Variants in DENND1B observed in about 807,000 individuals in gnomAD.
DENND1B encodes DENN domain containing 1B, also known as DENN domain-containing protein 1B.
DENND1B carries 59 observed loss-of-function variants against 90.1 expected under a neutral mutation model. The observed-to-expected ratio is 0.65, with a 90% CI of 0.53 to 0.81. DENND1B has a LOEUF of 0.81. DENND1B is among the 40% of genes least tolerant of loss of function. The pLI is 0.00. For missense variants in DENND1B, 862 were observed against 912.6 expected, an observed-to-expected ratio of 0.94 and a Z score of 0.71; for synonymous variants, 337 against 324.6, an observed-to-expected ratio of 1.04 and a Z score of -0.41.
At chr1:197,665,064 T>C (rs890239236) in intron 5 of DENND1B, among the ~76,000 whole-genome samples, 2 of 152,154 alleles carry the variant, frequency 1.3e-5, no homozygotes, top group Non-Finnish European at 2.9e-5. Context: ...CAGGATATTT[T>C]TGAAATCTTG....
rs1667683732 is a variant in DENND1B, at chr1:197,505,404, G to A, written c.*5056C>T. Reference sequence around the variant, plus strand: ...ATTTGAGAAATGAAATAACAGAGATGAATAGACTTATAGGTTCATCATATC... The same window carrying A: ...ATTTGAGAAATGAAATAACAGAGATAAATAGACTTATAGGTTCATCATATC... On this transcript the variant is annotated 3_prime_UTR_variant, in exon 23 of 23. Coordinates refer to ENST00000620048, the MANE Select transcript of DENND1B (RefSeq NM_001195215.2). The A allele has an allele frequency of 6.6e-6, 1 of 151,472 alleles. No individual in the cohort carries two copies. The highest frequency in any genetic ancestry group is 1.5e-5 in the Non-Finnish European group (1 of 67,704). 9.4% of individuals were successfully genotyped at this position (151,472 alleles called of 1,614,324 possible).
intron 5 of DENND1B, among the ~76,000 whole-genome samples, chr1:197,669,009 T>C (rs1223383415): frequency 3.3e-5 from 5 of 152,126 alleles, no homozygotes; most frequent in Admixed American, 6.5e-5. Flanking sequence ...ATTATTTACA[T>C]TTCCTCTGTA....
intron 6 of DENND1B, among the ~76,000 whole-genome samples, chr1:197,652,785 A>C (rs1653382756): frequency 6.6e-6 from 1 of 152,102 alleles, no homozygotes; most frequent in African/African-American, 2.4e-5. Context: ...AGGTTATTCT[A>C]AATATTTCTT....
chr1:197,545,483 C>T (rs1317513828), intron 18 of DENND1B: 3 of 167,670 alleles, frequency 1.8e-5, no homozygotes, highest in Non-Finnish European at 2.5e-5. Flanking sequence ...ATGGGTTGGA[C>T]AAACTTGCCT....
At chr1:197,550,676 G>GCA (rs760417700) in intron 16 of DENND1B, among the ~76,000 whole-genome samples, 120,585 of 149,824 alleles carry the variant, frequency 0.8, 48,781 homozygotes, top group South Asian at 0.88. Flanking sequence ...GTGAGGGGGG[G>GCA]GGGGAGGGAT....
intron 2 of DENND1B, among the ~76,000 whole-genome samples, chr1:197,718,400 A>T (rs1660843380): frequency 6.6e-6 from 1 of 151,558 alleles, no homozygotes; most frequent in South Asian, 2.1e-4. Flanking sequence ...GTAAAAAAAA[A>T]AAAAAAGTTC....
chr1:197,603,721 T>C (rs1300514928), intron 13 of DENND1B, among the ~76,000 whole-genome samples: 1 of 151,240 alleles, frequency 6.6e-6, no homozygotes, highest in African/African-American at 2.4e-5. Context: ...ATATTTGAAA[T>C]AGTAACAACC....
chr1:197,545,879 T>C (rs779700097), intron 18 of DENND1B, 43 bp downstream of exon 18: 17 of 1,493,382 alleles, frequency 1.1e-5, no homozygotes, highest in Non-Finnish European at 1.6e-5. Flanking sequence ...GAAAATGTTT[T>C]ATAATTTCAT....
intron 20 of DENND1B, among the ~76,000 whole-genome samples, chr1:197,534,425 C>T (rs2125640284): frequency 6.6e-6 from 1 of 152,276 alleles, no homozygotes; most frequent in Middle Eastern, 3.4e-3. Context: ...CTGCTAGGTA[C>T]CTCCACCAGA....
At chr1:197,676,150 C>T (rs1247588317) in intron 3 of DENND1B, among the ~76,000 whole-genome samples, 2 of 150,746 alleles carry the variant, frequency 1.3e-5, no homozygotes, top group Non-Finnish European at 2.9e-5. Flanking sequence ...GACTGTTTCT[C>T]CCCTGACAGT....
chr1:197,549,694 C>T (rs1248081335), intron 16 of DENND1B, among the ~76,000 whole-genome samples: 3 of 152,022 alleles, frequency 2.0e-5, no homozygotes, highest in Non-Finnish European at 4.4e-5. Context: ...CTTTTAAACT[C>T]CATGGTTACT....
At chr1:197,557,393 C>T (rs1157895512) in intron 15 of DENND1B, among the ~76,000 whole-genome samples, 1 of 151,828 alleles carries the variant, frequency 6.6e-6, no homozygotes, top group African/African-American at 2.4e-5. Context: ...AATAATCCAT[C>T]CATTTCAGAA....
chr1:197,664,714 C>G (rs532697892), intron 5 of DENND1B, among the ~76,000 whole-genome samples: 1 of 152,048 alleles, frequency 6.6e-6, no homozygotes, highest in Non-Finnish European at 1.5e-5. Context: ...ACTGCCTTTC[C>G]GTAGGAAAAC....
At chr1:197,666,846 C>A (rs971144579) in intron 5 of DENND1B, among the ~76,000 whole-genome samples, 1 of 152,148 alleles carries the variant, frequency 6.6e-6, no homozygotes. Flanking sequence ...TATTCTAAGT[C>A]TTGGTTACAT....
chr1:197,753,307 A>G (rs1276102933), intron 2 of DENND1B, among the ~76,000 whole-genome samples: 2 of 152,086 alleles, frequency 1.3e-5, no homozygotes, highest in African/African-American at 4.8e-5. Flanking sequence ...GTAAAGCAAG[A>G]CAGGCAAAAA....
intron 16 of DENND1B, among the ~76,000 whole-genome samples, chr1:197,549,428 A>G (rs374075838): frequency 6.6e-6 from 1 of 152,208 alleles, no homozygotes; most frequent in African/African-American, 2.4e-5. Context: ...TCATCAGATT[A>G]TATGTGTAAA....
At chr1:197,730,876 A>C (rs940209288) in intron 2 of DENND1B, among the ~76,000 whole-genome samples, 2 of 152,096 alleles carry the variant, frequency 1.3e-5, no homozygotes, top group Admixed American at 1.3e-4. Flanking sequence ...TATAAATTAT[A>C]TATGTATATT....
intron 7 of DENND1B, among the ~76,000 whole-genome samples, 171 bp downstream of exon 7, chr1:197,652,064 A>G (rs909517629): frequency 6.6e-6 from 1 of 152,220 alleles, no homozygotes; most frequent in Non-Finnish European, 1.5e-5. Context: ...TATGATAGTT[A>G]CAGCATGTTA....
At chr1:197,525,177 A>G (rs1002984003) in intron 20 of DENND1B, among the ~76,000 whole-genome samples, 1 of 152,130 alleles carries the variant, frequency 6.6e-6, no homozygotes, top group African/African-American at 2.4e-5. Context: ...TAATACTTTT[A>G]GCCAACTTTT....
Sources: allele counts gnomAD v4.1 joint callset (sites outside exome capture counted in the v4.1 genomes callset), GRCh38; gene constraint gnomAD v4.1.1; transcripts MANE v1.5; gene names NCBI Gene and HGNC (gene_info 2026-07-23, HGNC 2026-07-21).